Variants in GPR179 observed in about 807,000 individuals in gnomAD.
GPR179 encodes probable G protein-coupled receptor 179.
A neutral mutation model predicts 70.8 loss-of-function variants in GPR179; 52 were observed. That is an observed-to-expected ratio of 0.73 (90% CI 0.59 to 0.93). GPR179 has a LOEUF of 0.93. GPR179 is among the 40% of genes least tolerant of loss of function. GPR179 has a pLI of 0.00. For synonymous variants in GPR179, 1,123 were observed against 1,169.0 expected (o/e 0.96, Z 0.80); for missense variants, 2,734 against 2,966.8 (o/e 0.92, Z 1.82).
rs200392643 is a variant in GPR179, at chr17:38,337,651, C to T, written c.973G>A (p.Gly325Arg). Residue 325 changes from glycine (G) to arginine (R), a missense_variant, in exon 3 of 11, where the codon GGG becomes AGG. Gly to Arg is a moderately radical substitution (Grantham distance 125, BLOSUM62 -2). Transcript: ENST00000616987. ...YLCRCRPGFY[G>R]ASPSGGLEES... is the part of the protein sequence containing the mutation. ...TACATACCCCCAGAGGGGCTTGCCC[C>T]GTAGAATCCAGGTCGGCAGCGGCAG... 1,531 of 1,605,850 alleles carry T rather than the reference C, an allele frequency of 9.5e-4. 1 individual carries two copies. Among genetic ancestry groups the T allele is most frequent in the Non-Finnish European group, 1.2e-3 (1,420 of 1,176,396 alleles).
At chr17:38,342,494 C>A (rs2037457592) in intron 1 of GPR179, among the ~76,000 whole-genome samples, 1 of 152,126 alleles carries the variant, frequency 6.6e-6, no homozygotes, top group Non-Finnish European at 1.5e-5. Flanking sequence ...TACTCGCTAC[C>A]ACACCCAGCT....
chr17:38,339,447 G>A lies in GPR179; in HGVS notation c.873C>T (p.Asn291=). Residue 291 remains asparagine (N), a synonymous_variant, in exon 2 of 11, where the codon AAC becomes AAT. Transcript: ENST00000616987. ...QCASGPGWYS[N]THLCDLNSTQ... is the part of the protein sequence containing the mutation. ...TGCTGTTGAGATCACACAGGTGTGT[G>A]TTAGAGTACCAGCCTGGGCCACTTG... The A allele has an allele frequency of 6.2e-7, 1 of 1,613,544 alleles. No homozygotes were observed. Among genetic ancestry groups the A allele is most frequent in the Non-Finnish European group, 8.5e-7 (1 of 1,179,514 alleles).
rs2144266980 is a variant in GPR179 at position 38,333,298 on chromosome 17, T to C, written c.1990A>G (p.Ile664Val). ...CTGTGCTCACTCCAGGCTGAGGCGA[T>C]GCTGCTGCCAAGGTAGGAGCCTGAG... The part of the protein sequence containing the change: ...QHSGSYLGSS[I>V]ASAWSEHSLD... The change falls in exon 10 of 11, where the codon ATC becomes GTC. Residue 664 changes from isoleucine (I) to valine (V), a missense_variant. Ile to Val is a conservative substitution (Grantham distance 29). Coordinates refer to ENST00000616987, the MANE Select transcript of GPR179 (RefSeq NM_001004334.4). 1 of 1,614,106 alleles carries C rather than the reference T, an allele frequency of 6.2e-7. No individual in the cohort carries two copies. The highest frequency in any genetic ancestry group is 8.5e-7 in the Non-Finnish European group (1 of 1,179,974).
At position 38,343,528 on chromosome 17, in the gene GPR179, T is replaced by G; in HGVS notation, c.262A>C (p.Met88Leu). 6.2e-7 allele frequency: 1 copy of G among 1,613,768 alleles called. No homozygotes were observed. Among genetic ancestry groups the G allele is most frequent in the South Asian group, 1.1e-5 (1 of 91,090 alleles). ...TGTAGGCTTGGGGGGAGCCCTGGCA[T>G]GGCTCCTGCCCCACGCGCTTCATAG... ...ERYEARGAGAMPGLPPSLQGA... is the reference protein window; with the variant it reads ...ERYEARGAGALPGLPPSLQGA... Residue 88 changes from methionine to leucine, a missense_variant, in exon 1 of 11, where the codon ATG becomes CTG. Met to Leu is a conservative substitution (Grantham distance 15, BLOSUM62 2). Transcript: ENST00000616987. The surrounding 1 kb of genome is among the most constrained non-coding windows in gnomAD (Gnocchi z 4.2).
chr17:38,331,362 C>T lies in GPR179; in HGVS notation c.2207G>A (p.Arg736Gln), dbSNP rs370426194. The T allele has an allele frequency of 4.2e-5, 68 of 1,612,986 alleles. No homozygotes were observed. Among genetic ancestry groups the T allele is most frequent in the Admixed American group, 5.0e-5 (3 of 59,948 alleles). The change falls in exon 11 of 11, where the codon CGG becomes CAG. Residue 736 changes from arginine (R) to glutamine (Q), a missense_variant. Physicochemically the swap from Arg to Gln is conservative, Grantham distance 43 (BLOSUM62 1). Coordinates refer to ENST00000616987, the MANE Select transcript of GPR179 (RefSeq NM_001004334.4). ...FPEALARQHS[R>Q]DSGSPGHGSL... ...GCCGTGGCCTGGGGATCCTGAGTCC[C>T]GGGAGTGCTGCCTGGCCAGGGCCTC...
In GPR179 at chr17:38,328,776, T is replaced by C; in HGVS notation, c.4793A>G (p.Asn1598Ser). 1 of 1,610,462 alleles carries C rather than the reference T, an allele frequency of 6.2e-7. No individual in the cohort carries two copies. Among genetic ancestry groups the C allele is most frequent in the Non-Finnish European group, 8.5e-7 (1 of 1,178,804 alleles). The change falls in exon 11 of 11, where the codon AAT (asparagine) becomes AGT (serine). Residue 1598 changes from asparagine (N) to serine (S), a missense_variant. Coordinates refer to ENST00000616987, the MANE Select transcript of GPR179 (RefSeq NM_001004334.4). ...AKTEICPWEV[N>S]ERTREEWTSA... ...TGTCCATTCCTCTCTTGTTCTTTCA[T>C]TTACCTCCCAGGGACAGATTTCTGT...
Position 38,336,140 on chromosome 17 carries a change from A to T in GPR179, c.1232T>A (p.Ile411Asn). Reference sequence around the variant, plus strand: ...CAGCAGGACCACTCCAGATGCCCAGATCCTCTGTGAAGCAAGGAGAGAGGC... The same window carrying T: ...CAGCAGGACCACTCCAGATGCCCAGTTCCTCTGTGAAGCAAGGAGAGAGGC... ...VSYRCRRNKRIWASGVVLLET... is the reference protein window; with the variant it reads ...VSYRCRRNKRNWASGVVLLET... Residue 411 changes from isoleucine to asparagine, a missense_variant, in exon 5 of 11, where the codon ATC becomes AAC. Coordinates refer to ENST00000616987, the MANE Select transcript of GPR179 (RefSeq NM_001004334.4). The T allele has an allele frequency of 6.2e-7, 1 of 1,609,968 alleles. No homozygotes were observed. The highest frequency in any genetic ancestry group is 8.5e-7 in the Non-Finnish European group (1 of 1,176,164).
rs1161289131 is a variant in GPR179 at position 38,337,046 on chromosome 17, A to T, written c.1159T>A (p.Cys387Ser). Reference sequence around the variant, plus strand: ...ATGGCCAGCATGCAGCAGGCCTGGCAGGCCAGCACAGCGGCCCGCAGCACC... The same window carrying T: ...ATGGCCAGCATGCAGCAGGCCTGGCTGGCCAGCACAGCGGCCCGCAGCACC... ...AAVLRAAVLACQACCMLAIFL... is the reference protein window; with the variant it reads ...AAVLRAAVLASQACCMLAIFL... Residue 387 changes from cysteine (C) to serine (S), a missense_variant, in exon 4 of 11, where the codon TGC (cysteine) becomes AGC (serine). Coordinates refer to ENST00000616987, the MANE Select transcript of GPR179 (RefSeq NM_001004334.4). 1 of 1,609,478 alleles carries T rather than the reference A, an allele frequency of 6.2e-7. No individual in the cohort carries two copies.
At chr17:38,333,765 C>CCACTCAAGT (rs1811338051) in intron 9 of GPR179, among the ~76,000 whole-genome samples, 168 bp downstream of exon 9, 1 of 152,178 alleles carries the variant, frequency 6.6e-6, no homozygotes, top group African/African-American at 2.4e-5. Flanking sequence ...GAGAGTGTCC[C>CCACTCAAGT]CACTCAAGTC....
intron 3 of GPR179, 130 bp from the exon 4 acceptor site, chr17:38,337,343 G>T: frequency 7.6e-7 from 1 of 1,312,602 alleles, no homozygotes; most frequent in Non-Finnish European, 1.0e-6. Flanking sequence ...GGACAAGTGG[G>T]AATGGGTGCT....
Position 38,339,469 on chromosome 17 carries a change from C to T in GPR179, c.851G>A (p.Ser284Asn). Residue 284 changes from serine to asparagine, a missense_variant, in exon 2 of 11, where the codon AGT becomes AAT. Ser to Asn is a conservative substitution (Grantham distance 46). Coordinates refer to ENST00000616987, the MANE Select transcript of GPR179 (RefSeq NM_001004334.4). ...TGTGTTAGAGTACCAGCCTGGGCCA[C>T]TTGCACACTGATTGATGTCCACACT... Reference protein sequence around the residue: ...LQSVDINQCASGPGWYSNTHL... With the variant: ...LQSVDINQCANGPGWYSNTHL... 6.2e-7 allele frequency: 1 copy of T among 1,614,130 alleles called. No homozygotes were observed. Among genetic ancestry groups the T allele is most frequent in the Non-Finnish European group, 8.5e-7 (1 of 1,179,996 alleles).
chr17:38,331,370 C>A lies in GPR179; in HGVS notation c.2199G>T (p.Gln733His). The A allele has an allele frequency of 6.2e-7, 1 of 1,613,512 alleles. No homozygotes were observed. The change falls in exon 11 of 11, where the codon CAG becomes CAT. Residue 733 changes from glutamine to histidine, a missense_variant. Gln to His is a conservative substitution (Grantham distance 24, BLOSUM62 0). Transcript: ENST00000616987. The stretch of plus-strand genomic sequence containing the variant: ...CTGGGGATCCTGAGTCCCGGGAGTG[C>A]TGCCTGGCCAGGGCCTCGGGGAATT... Reference protein sequence around the residue: ...LAEFPEALARQHSRDSGSPGH... With the variant: ...LAEFPEALARHHSRDSGSPGH...
chr17:38,340,604 G>T (rs897845127), intron 1 of GPR179, among the ~76,000 whole-genome samples: 2 of 152,184 alleles, frequency 1.3e-5, no homozygotes, highest in Admixed American at 6.6e-5. Flanking sequence ...ATTTCTGAAG[G>T]CTCCTGTGTC....
chr17:38,336,382 C>T (rs755739258), intron 4 of GPR179, among the ~76,000 whole-genome samples: 1 of 152,216 alleles, frequency 6.6e-6, no homozygotes, highest in Non-Finnish European at 1.5e-5. Flanking sequence ...TGTGTTCCTC[C>T]CAGTCTTGCT....
chr17:38,326,805 C>T lies in GPR179; in HGVS notation c.6764G>A (p.Gly2255Asp). Residue 2255 changes from glycine to aspartate, a missense_variant, in exon 11 of 11, where the codon GGC becomes GAC. Transcript: ENST00000616987. ...CCGAGTTGCTGTTAAAGCCAGGAGG[C>T]CAGATTCCTCAGATGGGACTCCAGT... ...EETGVPSEES[G>D]LLALTATRRE... The T allele has an allele frequency of 6.2e-7, 1 of 1,614,202 alleles. No individual in the cohort carries two copies. Among genetic ancestry groups the T allele is most frequent in the Non-Finnish European group, 8.5e-7 (1 of 1,180,016 alleles).
rs561096333 is a variant in GPR179, at chr17:38,326,776, C to A, written c.6793G>T (p.Glu2265Ter). 1.4e-5 allele frequency: 22 copies of A among 1,614,114 alleles called. No homozygotes were observed. The highest frequency in any genetic ancestry group is 1.1e-4 in the East Asian group (5 of 44,898). The change falls in exon 11 of 11, where the codon GAA (glutamate) becomes TAA (stop). Residue 2265 changes from glutamate to a stop codon, truncating the protein, a stop_gained. Transcript: ENST00000616987. LOFTEE classifies it low-confidence loss of function (END_TRUNC). ...TTTTCAGGAGCTGTGGGGAAAAATT[C>A]TCTCCGAGTTGCTGTTAAAGCCAGG... Reference protein sequence around the residue: ...GLLALTATRREFFPTAPEKPL... With the variant: ...GLLALTATRR
rs552371365 is a variant in GPR179 at position 38,324,808 on chromosome 17, G to A, written c.*1657C>T. Among the ~76,000 whole-genome samples, 5 of 152,338 alleles carry A rather than the reference G, an allele frequency of 3.3e-5. No individual in the cohort carries two copies. The highest frequency in any genetic ancestry group is 9.6e-5 in the African/African-American group (4 of 41,572). ...AGCCCAGAATAAGGGCCCTAGGTAA[G>A]AGAATGAGGACATCTGGTCCCCAAA... On this transcript the variant is annotated 3_prime_UTR_variant, in exon 11 of 11. Transcript: ENST00000616987.
chr17:38,334,147 G>GA lies in GPR179; in HGVS notation c.1785-110dup. ...GCCCCAACCCTGATACGCTTAGGAC[G>GA]AGGGGGCATTCTGCCCTCTCCTGCC... On this transcript the variant is annotated intron_variant, in intron 8 of 10. Transcript: ENST00000616987. The surrounding 1 kb of genome is among the most constrained non-coding windows in gnomAD (Gnocchi z 4.7). 1.3e-6 allele frequency: 1 copy of GA among 798,956 alleles called. No individual in the cohort carries two copies. The highest frequency in any genetic ancestry group is 2.2e-6 in the Non-Finnish European group (1 of 460,624). The allele number at this position is 798,956 out of a possible 1,614,324, so 49.5% of individuals were successfully genotyped here.
Position 38,335,268 on chromosome 17 carries a change from C to G in GPR179, c.1410G>C (p.Val470=). ...CCGTTCGAGACAGAAACAGCTGCAG[C>G]ACTCTGCGAGGGTTAGAATACACAG... The part of the protein sequence containing the change: ...YGTIILKLYR[V]LQLFLSRTAQ... Residue 470 remains valine, a synonymous_variant, in exon 7 of 11, where the codon GTG becomes GTC. Coordinates refer to ENST00000616987, the MANE Select transcript of GPR179 (RefSeq NM_001004334.4). The G allele has an allele frequency of 6.5e-7, 1 of 1,549,758 alleles. No individual in the cohort carries two copies. The highest frequency in any genetic ancestry group is 8.7e-7 in the Non-Finnish European group (1 of 1,146,336).
Sources: gnomAD v4.1 joint callset for allele counts (sites outside exome capture counted in the v4.1 genomes callset) on GRCh38, gnomAD v4.1.1 for gene constraint, Gnocchi (gnomAD v3.1) non-coding constraint, MANE v1.5 for transcripts, NCBI Gene and HGNC (gene_info 2026-07-23, HGNC 2026-07-21) for gene names.